Variants in CDIN1 observed in about 807,000 individuals in gnomAD.
The protein encoded by CDIN1 is CDAN1 interacting nuclease 1, also known as CDAN1-interacting nuclease 1.
In CDIN1, 33 loss-of-function variants were observed where a neutral mutation model predicts 45.3. The observed-to-expected ratio is 0.73, with a 90% CI of 0.55 to 0.97. The LOEUF is 0.97. Ranked by LOEUF, CDIN1 falls within the 50% of genes least tolerant of loss-of-function variation. The pLI is 0.00. For synonymous variants in CDIN1, 118 were observed against 124.4 expected (o/e 0.95, Z 0.34); for missense variants, 303 against 339.4 (o/e 0.89, Z 0.84).
chr15:36,691,426 A>G (rs2042247717), intron 5 of CDIN1, among the ~76,000 whole-genome samples: 1 of 151,642 alleles, frequency 6.6e-6, no homozygotes, highest in Non-Finnish European at 1.5e-5. Flanking sequence ...TCTACAAAAG[A>G]GACATATGCT....
rs760742448 is a variant in CDIN1 at position 36,630,034 on chromosome 15, G to A, written c.102-14244G>A. Among the ~76,000 whole-genome samples the A allele has an allele frequency of 1.6e-4, 24 of 152,174 alleles. 1 individual carries two copies. The highest frequency in any genetic ancestry group is 8.3e-4 in the South Asian group (4 of 4,824). ...TAATTTAGGAGAGGCTGGAATTTCA[G>A]CAGTGAAATAATTGTGTTAGACCAC... On this transcript the variant is annotated intron_variant, in intron 1 of 10. Coordinates refer to ENST00000566621, the MANE Select transcript of CDIN1 (RefSeq NM_001321759.2).
At chr15:36,718,067 G>A (rs1484345965) in intron 10 of CDIN1, among the ~76,000 whole-genome samples, 1 of 151,784 alleles carries the variant, frequency 6.6e-6, no homozygotes, top group East Asian at 1.9e-4. Flanking sequence ...TTATATTTTA[G>A]TATTCTGGAT....
chr15:36,674,425 A>T (rs2140561426), intron 5 of CDIN1, among the ~76,000 whole-genome samples: 2 of 152,272 alleles, frequency 1.3e-5, no homozygotes, highest in Admixed American at 1.3e-4. Context: ...AACAGAAAGG[A>T]ATAGCTTTTG....
rs2040262305 is a variant in CDIN1, at chr15:36,645,203, TG to T, written c.148-19del. The T allele has an allele frequency of 2.6e-6, 4 of 1,541,948 alleles. No individual in the cohort carries two copies. The highest frequency in any genetic ancestry group is 2.0e-5 in the Admixed American group (1 of 50,574). ...TGACATATCAAAGATTTTTTTGTGT[TG>T]TTGTTTTTTTTCTTTCAGAAACACA... On this transcript the variant is annotated intron_variant, in intron 2 of 10. Transcript: ENST00000566621.
intron 1 of CDIN1, chr15:36,619,068 G>C: frequency 1.6e-6 from 2 of 1,226,008 alleles, no homozygotes; most frequent in Non-Finnish European, 2.3e-6. Context: ...AAGCTCCTTA[G>C]AAGTCCCTTG....
At chr15:36,627,653 T>A (rs1001640548) in intron 1 of CDIN1, 1 of 152,352 alleles carries the variant, frequency 6.6e-6, no homozygotes, top group Non-Finnish European at 1.5e-5. Context: ...GCTGTAGTGG[T>A]ACTCCACGTG....
At chr15:36,591,202 A>G (rs1383206740) in intron 1 of CDIN1, among the ~76,000 whole-genome samples, 1 of 152,180 alleles carries the variant, frequency 6.6e-6, no homozygotes, top group Non-Finnish European at 1.5e-5. Flanking sequence ...TGTGTCTTCT[A>G]CATTACACAT....
At chr15:36,807,290 C>A (rs984720744) in intron 10 of CDIN1, among the ~76,000 whole-genome samples, 1 of 152,186 alleles carries the variant, frequency 6.6e-6, no homozygotes, top group Non-Finnish European at 1.5e-5. Flanking sequence ...GTTCAGCCTG[C>A]TGTAATGTTA....
Position 36,668,805 on chromosome 15 carries a change from C to T in CDIN1, c.346+10900C>T, listed in dbSNP as rs549068511. On this transcript the variant is annotated intron_variant, in intron 5 of 10. Transcript: ENST00000566621. ...AGCTGTCATCCTGGGTGAAGTCTTCCAGAGCCCTAGTTTGCTCTTCTTTAA... is the reference window on the plus strand; with the variant it reads ...AGCTGTCATCCTGGGTGAAGTCTTCTAGAGCCCTAGTTTGCTCTTCTTTAA... 3.9e-5 allele frequency among the ~76,000 whole-genome samples: 6 copies of T among 152,194 alleles called. No homozygotes were observed. In the South Asian group the frequency reaches 1.0e-3, roughly 26 times the overall value.
chr15:36,597,970 C>T (rs78809483), intron 1 of CDIN1, among the ~76,000 whole-genome samples: 1,579 of 152,234 alleles, frequency 0.01, 28 homozygotes, highest in African/African-American at 0.036. Flanking sequence ...TATTTTATCA[C>T]TCATAAATGG....
intron 10 of CDIN1, among the ~76,000 whole-genome samples, chr15:36,774,279 A>G (rs532367240): frequency 6.6e-6 from 1 of 152,254 alleles, no homozygotes. Flanking sequence ...CCAAGGGTTA[A>G]CAAACTGGAA....
rs5811928 is a variant in CDIN1, at chr15:36,722,303, ATCTC to A, written c.716+12375_716+12378del. On this transcript the variant is annotated intron_variant, in intron 10 of 10. Coordinates refer to ENST00000566621, the MANE Select transcript of CDIN1 (RefSeq NM_001321759.2). ...GTCCTTCAGGTTACTTTCTTTTGAG[ATCTC>A]TCTCTCTCTCTCTCTCTCTCTCTCT... is the stretch of plus-strand genomic sequence containing the variant. 3.7e-3 allele frequency among the ~76,000 whole-genome samples: 525 copies of A among 140,750 alleles called. 5 individuals are homozygous for A. The highest frequency in any genetic ancestry group is 4.5e-3 in the African/African-American group (161 of 36,106). The allele number at this position is 140,750 out of a possible 152,430, so 92.3% of individuals were successfully genotyped here.
chr15:36,666,862 A>C (rs574928809), intron 5 of CDIN1, among the ~76,000 whole-genome samples: 3 of 152,216 alleles, frequency 2.0e-5, no homozygotes, highest in African/African-American at 4.8e-5. Flanking sequence ...TTGACACTTA[A>C]TATGCACATA....
At chr15:36,619,497 A>G (rs1209076891) in intron 1 of CDIN1, among the ~76,000 whole-genome samples, 11 of 151,874 alleles carry the variant, frequency 7.2e-5, no homozygotes, top group Admixed American at 4.6e-4. Context: ...CTATCTATCT[A>G]TCTATCTATC....
intron 5 of CDIN1, among the ~76,000 whole-genome samples, chr15:36,670,388 G>T (rs1394618346): frequency 6.6e-6 from 1 of 152,048 alleles, no homozygotes; most frequent in East Asian, 1.9e-4. Context: ...TAATAAAGAG[G>T]CCTGATAAGT....
intron 10 of CDIN1, among the ~76,000 whole-genome samples, chr15:36,736,575 G>A (rs1289800303): frequency 6.6e-6 from 1 of 152,162 alleles, no homozygotes; most frequent in Non-Finnish European, 1.5e-5. Flanking sequence ...AAAGGCTGAA[G>A]AACCTTAAGC....
intron 8 of CDIN1, chr15:36,704,254 C>T (rs2140801752): frequency 6.6e-6 from 1 of 152,122 alleles, no homozygotes; most frequent in East Asian, 1.9e-4. Context: ...AAGCAAAGGA[C>T]AAGGTCAGAG....
At chr15:36,714,609 C>T (rs1022635655) in intron 10 of CDIN1, among the ~76,000 whole-genome samples, 19 of 152,114 alleles carry the variant, frequency 1.2e-4, no homozygotes, top group African/African-American at 4.6e-4. Flanking sequence ...TTCCAGGCTC[C>T]GTGTGTCAGT....
chr15:36,740,215 A>C (rs1476394587), intron 10 of CDIN1, among the ~76,000 whole-genome samples: 1 of 152,062 alleles, frequency 6.6e-6, no homozygotes, highest in Non-Finnish European at 1.5e-5. Flanking sequence ...TTTTGCATCT[A>C]ATACCTGTGT....
Sources: gnomAD v4.1 joint callset for allele counts (sites outside exome capture counted in the v4.1 genomes callset) on GRCh38, gnomAD v4.1.1 for gene constraint, MANE v1.5 for transcripts, NCBI Gene and HGNC (gene_info 2026-07-23, HGNC 2026-07-21) for gene names.